The following GNAT3 variants were observed in gnomAD, a reference collection of about 807,000 sequenced individuals.
GNAT3 encodes guanine nucleotide-binding protein G(t) subunit alpha-3.
A neutral mutation model predicts 37.7 loss-of-function variants in GNAT3; 31 were observed. The ratio of observed to expected loss-of-function variants is 0.82; its 90% confidence interval spans 0.62 to 1.11. GNAT3 has a LOEUF of 1.11. GNAT3 is among the 50% of genes most tolerant of loss of function. The pLI is 0.00. For missense variants in GNAT3, 437 were observed against 412.5 expected (o/e 1.06, Z -0.51); for synonymous variants, 138 against 139.8 (o/e 0.99, Z 0.09).
chr7:80,460,148 A>C (rs73159414), intron 7 of GNAT3, among the ~76,000 whole-genome samples: 42,827 of 152,108 alleles, frequency 0.28, 6,922 homozygotes, highest in East Asian at 0.6. Flanking sequence ...AGGAATAAAA[A>C]AATTAGCTAT....
At chr7:80,487,217 C>T (rs1790502810) in intron 3 of GNAT3, among the ~76,000 whole-genome samples, 1 of 151,872 alleles carries the variant, frequency 6.6e-6, no homozygotes, top group Non-Finnish European at 1.5e-5. Context: ...AGGTCAGATC[C>T]ATAACTGAAC....
chr7:80,473,051 G>A (rs909732818), intron 5 of GNAT3, among the ~76,000 whole-genome samples: 4 of 152,112 alleles, frequency 2.6e-5, no homozygotes, highest in Non-Finnish European at 4.4e-5. Context: ...GGCCTCAAAG[G>A]AAAACCCAGA....
chr7:80,466,231 T>C (rs1473928040), intron 5 of GNAT3, among the ~76,000 whole-genome samples: 3 of 152,142 alleles, frequency 2.0e-5, no homozygotes, highest in African/African-American at 7.2e-5. Context: ...AGGAATCGAA[T>C]TCTAGGATGC....
intron 1 of GNAT3, among the ~76,000 whole-genome samples, chr7:80,500,121 C>A (rs1424439641): frequency 6.6e-6 from 1 of 151,878 alleles, no homozygotes; most frequent in Non-Finnish European, 1.5e-5. Context: ...CTGTAGATAC[C>A]AGATTTATGA....
Position 80,507,413 on chromosome 7 carries a change from A to T in GNAT3, c.118+4396T>A, listed in dbSNP as rs148021521. On this transcript the variant is annotated intron_variant, in intron 1 of 7. Coordinates refer to ENST00000398291, the MANE Select transcript of GNAT3 (RefSeq NM_001102386.3). ...TGAGTCTTGAGTCCTCACTTCTCTT[A>T]GTTACATGTAAAAGAAAGACAAAGG... 2.4e-3 allele frequency among the ~76,000 whole-genome samples: 368 copies of T among 152,166 alleles called. 9 individuals are homozygous for T. The East Asian group carries it at 0.036, about 15-fold the overall frequency.
intron 2 of GNAT3, among the ~76,000 whole-genome samples, chr7:80,492,858 T>C (rs1790620313): frequency 6.6e-6 from 1 of 151,778 alleles, no homozygotes; most frequent in Non-Finnish European, 1.5e-5. Context: ...TTTGTCAATT[T>C]ACTACAATGA....
chr7:80,470,527 A>G (rs988144716), intron 5 of GNAT3, among the ~76,000 whole-genome samples: 1 of 152,194 alleles, frequency 6.6e-6, no homozygotes, highest in Non-Finnish European at 1.5e-5. Context: ...AGCCAAGAGA[A>G]TATCGTATCA....
intron 2 of GNAT3, among the ~76,000 whole-genome samples, chr7:80,489,317 C>T (rs929246596): frequency 6.6e-6 from 1 of 152,038 alleles, no homozygotes; most frequent in Non-Finnish European, 1.5e-5. Context: ...TAGTAGTTTT[C>T]GAATAATAGC....
intron 1 of GNAT3, among the ~76,000 whole-genome samples, chr7:80,497,560 A>G (rs140754706): frequency 0.1 from 13,957 of 136,716 alleles, 1,352 homozygotes; most frequent in African/African-American, 0.23. Flanking sequence ...ACGTATATAC[A>G]TATACGTATA....
chr7:80,479,733 T>C (rs567182781), intron 3 of GNAT3, among the ~76,000 whole-genome samples: 2 of 144,084 alleles, frequency 1.4e-5, no homozygotes, highest in African/African-American at 5.4e-5. Context: ...AAAAAAAAAT[T>C]AGAGTAAAAA....
chr7:80,500,408 A>G (rs150049237), intron 1 of GNAT3, among the ~76,000 whole-genome samples: 1 of 152,184 alleles, frequency 6.6e-6, no homozygotes, highest in Non-Finnish European at 1.5e-5. Context: ...CTGCTAGTAG[A>G]GGTTATTTGG....
At chr7:80,466,261 C>G (rs1419284063) in intron 5 of GNAT3, among the ~76,000 whole-genome samples, 1 of 152,116 alleles carries the variant, frequency 6.6e-6, no homozygotes, top group Non-Finnish European at 1.5e-5. Context: ...GTTTTCTCCA[C>G]TAAGCAGAAC....
chr7:80,495,481 T>A (rs866563413), intron 1 of GNAT3, among the ~76,000 whole-genome samples: 16 of 150,978 alleles, frequency 1.1e-4, no homozygotes, highest in Admixed American at 8.6e-4. Flanking sequence ...TTTGTTTTTG[T>A]TTTTTTTGAG....
intron 4 of GNAT3, among the ~76,000 whole-genome samples, chr7:80,475,743 A>C (rs1390625338): frequency 6.6e-6 from 1 of 152,180 alleles, no homozygotes; most frequent in Non-Finnish European, 1.5e-5. Context: ...TAGGTAATTT[A>C]TTCTTGGAGG....
intron 2 of GNAT3, among the ~76,000 whole-genome samples, chr7:80,489,848 A>G (rs1329851595): frequency 2.6e-5 from 4 of 152,174 alleles, no homozygotes; most frequent in African/African-American, 9.6e-5. Context: ...GAACTTGGAA[A>G]ATTATTATTA....
intron 1 of GNAT3, among the ~76,000 whole-genome samples, chr7:80,501,635 T>C (rs1162963606): frequency 6.6e-6 from 1 of 152,010 alleles, no homozygotes; most frequent in Non-Finnish European, 1.5e-5. Context: ...TAAGCTCTTT[T>C]AATTTATAAC....
At chr7:80,467,217 T>C (rs1442903736) in intron 5 of GNAT3, among the ~76,000 whole-genome samples, 3 of 152,094 alleles carry the variant, frequency 2.0e-5, no homozygotes, top group Admixed American at 6.6e-5. Flanking sequence ...AGGACAAAGA[T>C]TGCTCAGTCT....
At chr7:80,476,067 C>A (rs1042540960) in intron 4 of GNAT3, among the ~76,000 whole-genome samples, 1 of 151,768 alleles carries the variant, frequency 6.6e-6, no homozygotes, top group African/African-American at 2.4e-5. Context: ...TCAGTTAGTT[C>A]ACGCAAGAGT....
chr7:80,486,203 A>G (rs1562727048), intron 3 of GNAT3, among the ~76,000 whole-genome samples: 1 of 152,280 alleles, frequency 6.6e-6, no homozygotes, highest in East Asian at 1.9e-4. Context: ...GGAAATCAAA[A>G]TATGAACTAT....
Sources: allele counts gnomAD v4.1 joint callset (sites outside exome capture counted in the v4.1 genomes callset), GRCh38; gene constraint gnomAD v4.1.1; transcripts MANE v1.5; gene names NCBI Gene and HGNC (gene_info 2026-07-23, HGNC 2026-07-21).